TRIO: variants seen among roughly 807,000 people sequenced by gnomAD.
TRIO encodes the protein trio Rho guanine nucleotide exchange factor.
A neutral mutation model predicts 351.9 loss-of-function variants in TRIO; 58 were observed. The observed-to-expected ratio is 0.16, with a 90% CI of 0.13 to 0.21. The LOEUF (loss-of-function observed/expected upper bound fraction) is 0.21, where lower values mean the gene tolerates loss of function less well. TRIO is among the 10% of genes least tolerant of loss of function. The probability of loss-of-function intolerance (pLI) is 1.00; values close to 1 mark genes in which losing one functional copy is unlikely to be tolerated. For synonymous variants in TRIO, 1,758 were observed against 1,595.7 expected (o/e 1.10, Z -2.42); for missense variants, 3,201 against 4,027.8 (o/e 0.79, Z 5.56).
At chr5:14,496,505 A>G (rs1756905558) in intron 49 of TRIO, among the ~76,000 whole-genome samples, 1 of 152,162 alleles carries the variant, frequency 6.6e-6, no homozygotes, top group South Asian at 2.1e-4. Context: ...AGGGCCATTC[A>G]CCTTAGAAAG....
At position 14,481,109 on chromosome 5, in the gene TRIO, T is replaced by TGAGGCCAGGAGTTCAAGAC; in HGVS notation, c.6337-124_6337-106dup. On this transcript the variant is annotated intron_variant, in intron 43 of 56. Transcript: ENST00000344204. ...AGGAGGCCAAAGCAAGAGGATCACT[T>TGAGGCCAGGAGTTCAAGAC]GAGGCCAGGAGTTCAAGACCAGCTT... 5 of 983,902 alleles carry TGAGGCCAGGAGTTCAAGAC rather than the reference T, an allele frequency of 5.1e-6. No individual in the cohort carries two copies. The South Asian group carries it at 8.8e-5, about 17-fold the overall frequency. The allele number at this position is 983,902 out of a possible 1,614,324, so 60.9% of individuals were successfully genotyped here.
chr5:14,302,668 AT>A (rs1738002423), intron 7 of TRIO, among the ~76,000 whole-genome samples: 1 of 152,244 alleles, frequency 6.6e-6, no homozygotes, highest in Non-Finnish European at 1.5e-5. Context: ...TGACTTGTCT[AT>A]TTTAATGTCC....
intron 1 of TRIO, among the ~76,000 whole-genome samples, chr5:14,219,096 T>C (rs1365695777): frequency 1.3e-5 from 2 of 152,186 alleles, no homozygotes; most frequent in East Asian, 1.9e-4. Flanking sequence ...GGTGTGACAT[T>C]GGTGAATGTT....
At chr5:14,416,761 C>T (rs892676557) in intron 33 of TRIO, among the ~76,000 whole-genome samples, 5 of 152,314 alleles carry the variant, frequency 3.3e-5, no homozygotes, top group East Asian at 1.9e-4. Context: ...TTCCCCCACC[C>T]GCAGCCCATG....
chr5:14,200,323 G>A (rs181982639), intron 1 of TRIO, among the ~76,000 whole-genome samples: 19 of 152,256 alleles, frequency 1.2e-4, no homozygotes, highest in Non-Finnish European at 2.1e-4. Flanking sequence ...CTTCCTGCCC[G>A]CGCCCATGAT....
chr5:14,439,696 T>C (rs1200182590), intron 34 of TRIO, among the ~76,000 whole-genome samples: 1 of 152,226 alleles, frequency 6.6e-6, no homozygotes, highest in Non-Finnish European at 1.5e-5. Flanking sequence ...TGCCTCTCGC[T>C]GGGTCCTGGC....
intron 3 of TRIO, among the ~76,000 whole-genome samples, chr5:14,283,160 G>C (rs879756598): frequency 2.6e-5 from 4 of 152,172 alleles, no homozygotes; most frequent in African/African-American, 9.7e-5. Context: ...TTGTGATTTT[G>C]CTTATGTGTA....
chr5:14,228,387 A>G (rs949929117), intron 1 of TRIO, among the ~76,000 whole-genome samples: 1 of 152,214 alleles, frequency 6.6e-6, no homozygotes, highest in Admixed American at 6.5e-5. Flanking sequence ...AAAGTACGTC[A>G]TGCATTTCAG....
At chr5:14,288,558 T>G (rs528623927) in intron 4 of TRIO, among the ~76,000 whole-genome samples, 9 of 152,022 alleles carry the variant, frequency 5.9e-5, no homozygotes, top group Non-Finnish European at 1.3e-4. Flanking sequence ...TCCCAGCTAC[T>G]TGGGAGGCTG....
At chr5:14,267,130 C>A (rs1265517452) in intron 1 of TRIO, among the ~76,000 whole-genome samples, 1 of 152,114 alleles carries the variant, frequency 6.6e-6, no homozygotes, top group African/African-American at 2.4e-5. Flanking sequence ...AACTAAATGT[C>A]CCCCAATTTG....
intron 10 of TRIO, among the ~76,000 whole-genome samples, chr5:14,335,308 C>T (rs1410774000): frequency 6.6e-6 from 1 of 152,188 alleles, no homozygotes; most frequent in Non-Finnish European, 1.5e-5. Context: ...CAGACCCTCA[C>T]CGATGAGACG....
intron 11 of TRIO, among the ~76,000 whole-genome samples, chr5:14,352,407 G>T (rs1311060083): frequency 6.6e-6 from 1 of 152,178 alleles, no homozygotes; most frequent in Non-Finnish European, 1.5e-5. Context: ...TTATAAATTT[G>T]CAGCATGCCC....
chr5:14,183,775 A>G lies in TRIO; in HGVS notation c.157+39893A>G, dbSNP rs542508749. 7 of 560,656 alleles carry G rather than the reference A, an allele frequency of 1.2e-5. No homozygotes were observed. The East Asian group carries it at 1.9e-4, about 15-fold the overall frequency. 34.7% of individuals were successfully genotyped at this position (560,656 alleles called of 1,614,324 possible). A position where few individuals can be genotyped will look rare whatever the true frequency, so the allele number is the denominator to read the frequency against. On this transcript the variant is annotated intron_variant, in intron 1 of 56. Coordinates refer to ENST00000344204, the MANE Select transcript of TRIO (RefSeq NM_007118.4). ...GAAGGCATGCGGCCGCAGTTACAGC[A>G]TGCTGGCTGCTCCTCACTGCCCATT...
intron 53 of TRIO, among the ~76,000 whole-genome samples, chr5:14,499,713 ATTTTTT>A (rs879745821): frequency 1.4e-5 from 2 of 147,600 alleles, no homozygotes; most frequent in Non-Finnish European, 3.0e-5. Context: ...TACACAGGTG[ATTTTTT>A]TTTTTTAATC....
chr5:14,367,243 T>C (rs1334519620), intron 16 of TRIO, among the ~76,000 whole-genome samples: 1 of 151,834 alleles, frequency 6.6e-6, no homozygotes, highest in Non-Finnish European at 1.5e-5. Flanking sequence ...GGCCAGGGGG[T>C]TCCTGTTGTT....
Position 14,143,409 on chromosome 5 carries a change from G to T in TRIO, c.-317G>T, listed in dbSNP as rs1168095047. Among the ~76,000 whole-genome samples, 81 of 150,080 alleles carry T rather than the reference G, an allele frequency of 5.4e-4. No individual in the cohort carries two copies. Among genetic ancestry groups the T allele is most frequent in the Non-Finnish European group, 1.0e-3 (69 of 67,382 alleles). On this transcript the variant is annotated 5_prime_UTR_variant, in exon 1 of 57. Coordinates refer to ENST00000344204, the MANE Select transcript of TRIO (RefSeq NM_007118.4). ...TGATCCCGGAGGTCTCGCCGGCCACGGGCCCCCGCCCTCGCGACTGCGCGT... is the reference window on the plus strand; with the variant it reads ...TGATCCCGGAGGTCTCGCCGGCCACTGGCCCCCGCCCTCGCGACTGCGCGT...
In TRIO at chr5:14,487,751, T is replaced by C. The variant is rs1485982641; in HGVS notation, c.7123T>C (p.Ser2375Pro). The C allele has an allele frequency of 6.5e-6, 9 of 1,381,816 alleles. No homozygotes were observed. Among genetic ancestry groups the C allele is most frequent in the Admixed American group, 2.9e-5 (1 of 34,662 alleles). The allele number at this position is 1,381,816 out of a possible 1,614,324, so 85.6% of individuals were successfully genotyped here. Residue 2375 changes from serine to proline, a missense_variant, in exon 48 of 57, where the codon TCC becomes CCC. Coordinates refer to ENST00000344204, the MANE Select transcript of TRIO (RefSeq NM_007118.4). ...KMSGTSTPGP[S>P]LPPPGAAPEA... ...GTCAGGTACGTCCACCCCCGGGCCC[T>C]CCCTGCCTCCCCCTGGCGCGGCCCC...
intron 1 of TRIO, among the ~76,000 whole-genome samples, chr5:14,211,020 T>C (rs1341088260): frequency 6.6e-6 from 1 of 152,190 alleles, no homozygotes; most frequent in Admixed American, 6.5e-5. Flanking sequence ...CCTTGACATT[T>C]TTGGAAATTG....
At chr5:14,176,457 G>A (rs1057094292) in intron 1 of TRIO, among the ~76,000 whole-genome samples, 5 of 152,028 alleles carry the variant, frequency 3.3e-5, no homozygotes, top group Admixed American at 6.5e-5. Context: ...GTGACACAGC[G>A]AGACTCTGTC....
Sources: allele counts gnomAD v4.1 joint callset (sites outside exome capture counted in the v4.1 genomes callset), GRCh38; gene constraint gnomAD v4.1.1; transcripts MANE v1.5; gene names NCBI Gene and HGNC (gene_info 2026-07-23, HGNC 2026-07-21).